The following LGR5 variants were observed in gnomAD, a reference collection of about 807,000 sequenced individuals.
LGR5 encodes the protein leucine rich repeat containing G protein-coupled receptor 5, also known as leucine-rich repeat-containing G protein-coupled receptor 5.
A neutral mutation model predicts 76.7 loss-of-function variants in LGR5; 54 were observed. The observed-to-expected ratio is 0.70, with a 90% CI of 0.57 to 0.88. The LOEUF (loss-of-function observed/expected upper bound fraction) is 0.88. LGR5 is among the 40% of genes least tolerant of loss of function. The pLI is 0.00. For missense variants in LGR5, 1,078 were observed against 1,073.3 expected (o/e 1.00, Z -0.06); for synonymous variants, 406 against 421.9 (o/e 0.96, Z 0.46).
intron 2 of LGR5, among the ~76,000 whole-genome samples, chr12:71,522,300 C>T (rs990009290): frequency 2.6e-5 from 4 of 151,866 alleles, no homozygotes; most frequent in Admixed American, 2.0e-4. Flanking sequence ...GGGAGTAGGT[C>T]GAGACTGAAT....
intron 1 of LGR5, among the ~76,000 whole-genome samples, chr12:71,442,297 G>A (rs1871802764): frequency 6.6e-6 from 1 of 151,952 alleles, no homozygotes. Flanking sequence ...ATGTGCTCAG[G>A]GGAACTTACT....
At chr12:71,471,109 T>C (rs530087283) in intron 1 of LGR5, among the ~76,000 whole-genome samples, 12 of 152,308 alleles carry the variant, frequency 7.9e-5, no homozygotes, top group Admixed American at 4.6e-4. Context: ...AACAAATTCT[T>C]TTTATCAGGA....
intron 16 of LGR5, among the ~76,000 whole-genome samples, chr12:71,581,798 G>T (rs962576600): frequency 5.9e-5 from 9 of 152,184 alleles, no homozygotes; most frequent in African/African-American, 2.2e-4. Flanking sequence ...GTCATTCATG[G>T]AGTTTATTTT....
chr12:71,519,857 A>T (rs1875642739), intron 2 of LGR5, among the ~76,000 whole-genome samples: 1 of 150,796 alleles, frequency 6.6e-6, no homozygotes, highest in African/African-American at 2.4e-5. Flanking sequence ...AATATAAAAA[A>T]TAATAATAAT....
intron 2 of LGR5, among the ~76,000 whole-genome samples, chr12:71,515,199 C>T (rs1875377484): frequency 6.6e-6 from 1 of 152,172 alleles, no homozygotes; most frequent in East Asian, 1.9e-4. Context: ...TACTTGGCTC[C>T]TGTATTGATA....
chr12:71,516,583 T>C (rs2137326412), intron 2 of LGR5, among the ~76,000 whole-genome samples: 2 of 103,152 alleles, frequency 1.9e-5, no homozygotes, highest in South Asian at 8.0e-4. Flanking sequence ...TATATACAAT[T>C]GCTTTGCTCT....
chr12:71,574,742 T>A (rs529107616), intron 13 of LGR5, among the ~76,000 whole-genome samples: 4 of 152,162 alleles, frequency 2.6e-5, no homozygotes, highest in Non-Finnish European at 4.4e-5. Context: ...CCAGTGTTTC[T>A]CCTATTCCCA....
At chr12:71,513,359 A>T (rs2137320280) in intron 2 of LGR5, among the ~76,000 whole-genome samples, 1 of 152,332 alleles carries the variant, frequency 6.6e-6, no homozygotes, top group Non-Finnish European at 1.5e-5. Flanking sequence ...TCTGATAGCC[A>T]ATGCCTCAAG....
At chr12:71,531,727 C>T (rs1360147628) in intron 3 of LGR5, among the ~76,000 whole-genome samples, 1 of 151,944 alleles carries the variant, frequency 6.6e-6, no homozygotes, top group African/African-American at 2.4e-5. Context: ...AATTAGCCGG[C>T]GGTAGTGGCG....
At chr12:71,486,236 T>C (rs1873820615) in intron 1 of LGR5, among the ~76,000 whole-genome samples, 1 of 152,188 alleles carries the variant, frequency 6.6e-6, no homozygotes, top group Non-Finnish European at 1.5e-5. Flanking sequence ...GTTGACACAG[T>C]TACTGGGATA....
intron 1 of LGR5, among the ~76,000 whole-genome samples, chr12:71,462,967 A>T (rs1293510755): frequency 1.3e-5 from 2 of 152,202 alleles, no homozygotes; most frequent in African/African-American, 4.8e-5. Context: ...TTGAATTTTT[A>T]ATATTAATTG....
At chr12:71,583,311 C>T (rs1356020565) in intron 17 of LGR5, 1 of 228,898 alleles carries the variant, frequency 4.4e-6, no homozygotes, top group East Asian at 9.3e-5. Context: ...ATTCTGAAAA[C>T]TTATATAATG....
In LGR5 at chr12:71,581,300, G is replaced by T. The variant is rs570674560; in HGVS notation, c.1552+877G>T. Among the ~76,000 whole-genome samples, 11 of 152,322 alleles carry T rather than the reference G, an allele frequency of 7.2e-5. No homozygotes were observed. In the East Asian group the frequency reaches 2.1e-3, roughly 29 times the overall value. ...GGTGAAATGAGATAATGTCTGTAAA[G>T]CTTGGCTTTCCTTGAATTAAGACGT... On this transcript the variant is annotated intron_variant, in intron 16 of 17. Coordinates refer to ENST00000266674, the MANE Select transcript of LGR5 (RefSeq NM_003667.4).
chr12:71,461,547 A>G (rs1037254362), intron 1 of LGR5, among the ~76,000 whole-genome samples: 5 of 152,150 alleles, frequency 3.3e-5, no homozygotes, highest in Non-Finnish European at 4.4e-5. Context: ...TGTTATATAC[A>G]TATTTTCTAT....
chr12:71,452,998 T>C (rs1398810768), intron 1 of LGR5, among the ~76,000 whole-genome samples: 1 of 152,208 alleles, frequency 6.6e-6, no homozygotes, highest in Admixed American at 6.5e-5. Flanking sequence ...TGTTGTCTGT[T>C]ACTGTTATTC....
At chr12:71,480,153 C>T (rs1263765539) in intron 1 of LGR5, among the ~76,000 whole-genome samples, 1 of 151,936 alleles carries the variant, frequency 6.6e-6, no homozygotes, top group Admixed American at 6.6e-5. Context: ...CACTTGAGGT[C>T]AGGAGTTCGA....
chr12:71,580,243 T>G (rs753941487), intron 15 of LGR5, 35 bp from the exon 16 acceptor site: 1 of 1,565,580 alleles, frequency 6.4e-7, no homozygotes, highest in Non-Finnish European at 8.7e-7. Context: ...TCCGTTTCTT[T>G]AAGTGTTTTT....
rs74977461 is a variant in LGR5 at position 71,460,725 on chromosome 12, T to G, written c.212+20433T>G. Among the ~76,000 whole-genome samples the G allele has an allele frequency of 2.7e-3, 408 of 152,234 alleles. 3 individuals carry two copies. The highest frequency in any genetic ancestry group is 9.5e-3 in the African/African-American group (393 of 41,556). On this transcript the variant is annotated intron_variant, in intron 1 of 17. Coordinates refer to ENST00000266674, the MANE Select transcript of LGR5 (RefSeq NM_003667.4). ...GACTGGGATTCCTCTATAACTTGTTTATTTTCTCAGGAATCATCCAGCCCC... is the reference window on the plus strand; with the variant it reads ...GACTGGGATTCCTCTATAACTTGTTGATTTTCTCAGGAATCATCCAGCCCC...
At chr12:71,530,455 T>C (rs900770005) in intron 3 of LGR5, among the ~76,000 whole-genome samples, 2 of 152,192 alleles carry the variant, frequency 1.3e-5, no homozygotes, top group Non-Finnish European at 2.9e-5. Flanking sequence ...AGAGGGCATA[T>C]GGACAAAGAA....
Sources: allele counts gnomAD v4.1 joint callset (sites outside exome capture counted in the v4.1 genomes callset), GRCh38; gene constraint gnomAD v4.1.1; transcripts MANE v1.5; gene names NCBI Gene and HGNC (gene_info 2026-07-23, HGNC 2026-07-21).